The following ANXA5 variants were observed in gnomAD, a reference collection of about 807,000 sequenced individuals.
ANXA5 encodes annexin A5.
ANXA5 carries 40 observed loss-of-function variants against 48.1 expected under a neutral mutation model. The ratio of observed to expected loss-of-function variants is 0.83; its 90% CI spans 0.65 to 1.08. The LOEUF is 1.08. ANXA5 is among the 50% of genes least tolerant of loss of function. ANXA5 has a pLI of 0.00. For synonymous variants in ANXA5, 113 were observed against 129.1 expected (o/e 0.88, Z 0.85); for missense variants, 357 against 376.8 (o/e 0.95, Z 0.44).
At chr4:121,673,367 C>T (rs921167442) in intron 8 of ANXA5, among the ~76,000 whole-genome samples, 17 of 152,084 alleles carry the variant, frequency 1.1e-4, no homozygotes, top group Admixed American at 1.1e-3. Flanking sequence ...TTATTAAAAC[C>T]CAAAGAATCA....
At chr4:121,681,537 GTCAT>G (rs200277257) in intron 6 of ANXA5, 130 bp downstream of exon 6, 543 of 573,880 alleles carry the variant, frequency 9.5e-4, no homozygotes, top group South Asian at 1.1e-3. Context: ...TGAATTGCAG[GTCAT>G]TCATTCATTC....
chr4:121,695,661 C>CA (rs1725066475), intron 2 of ANXA5, among the ~76,000 whole-genome samples: 2 of 151,924 alleles, frequency 1.3e-5, no homozygotes, highest in South Asian at 4.2e-4. Flanking sequence ...GATTACAGTC[C>CA]TGAGGCCGAG....
chr4:121,679,323 C>T (rs183471294), intron 6 of ANXA5, among the ~76,000 whole-genome samples: 111 of 152,250 alleles, frequency 7.3e-4, no homozygotes, highest in African/African-American at 2.6e-3. Context: ...CACGTTTCTC[C>T]TGTCCCTGAT....
rs1724879872 is a variant in ANXA5, at chr4:121,685,928, G to T, written c.94+360C>A. Among the ~76,000 whole-genome samples, 2 of 152,050 alleles carry T rather than the reference G, an allele frequency of 1.3e-5. 1 individual carries two copies. Among genetic ancestry groups the T allele is most frequent in the African/African-American group, 4.8e-5 (2 of 41,392 alleles). On this transcript the variant is annotated intron_variant, in intron 3 of 12. Transcript: ENST00000296511. ...ATTAGGGATGGTTTATAGCAAGCTT[G>T]TCCAACCCATGGCCTGCAAGCCACA...
intron 10 of ANXA5, 104 bp downstream of exon 10, chr4:121,671,443 G>C (rs1013040683): frequency 3.9e-6 from 3 of 778,956 alleles, no homozygotes; most frequent in Non-Finnish European, 6.5e-6. Flanking sequence ...ATCATATCAA[G>C]CTCTTCCTTC....
intron 12 of ANXA5, among the ~76,000 whole-genome samples, chr4:121,668,797 G>A (rs1422721164): frequency 6.6e-6 from 1 of 151,774 alleles, no homozygotes; most frequent in East Asian, 1.9e-4. Context: ...CTATCACTTG[G>A]TATATATCAG....
intron 2 of ANXA5, among the ~76,000 whole-genome samples, 179 bp downstream of exon 2, chr4:121,696,402 G>C (rs368916612): frequency 6.6e-6 from 1 of 152,120 alleles, no homozygotes; most frequent in Non-Finnish European, 1.5e-5. Flanking sequence ...GGGAAGAACC[G>C]GGACACAGAA....
At position 121,672,526 on chromosome 4, in the gene ANXA5, C is replaced by A. The variant is rs952705883; in HGVS notation, c.625+7G>T. ...GTATCTGCCCCATACAGATTTTTTT[C>A]ACTCACCCTTTCTCAAATGAGACAC... On this transcript the variant is annotated splice_region_variant and intron_variant, in intron 9 of 12. Transcript: ENST00000296511. The A allele has an allele frequency of 6.2e-7, 1 of 1,609,640 alleles. No individual in the cohort carries two copies. Among genetic ancestry groups the A allele is most frequent in the Admixed American group, 1.7e-5 (1 of 59,776 alleles).
chr4:121,678,351 C>G, intron 7 of ANXA5, 64 bp downstream of exon 7: 1 of 1,330,316 alleles, frequency 7.5e-7, no homozygotes, highest in Non-Finnish European at 1.1e-6. Context: ...CCTTACTTAA[C>G]TAGATTCAGC....
chr4:121,689,415 A>G (rs1724945444), intron 2 of ANXA5, among the ~76,000 whole-genome samples: 1 of 152,228 alleles, frequency 6.6e-6, no homozygotes, highest in Non-Finnish European at 1.5e-5. Context: ...TGACAGGCAT[A>G]TAACTAATCA....
chr4:121,696,649 CT>C (rs752400767), intron 1 of ANXA5, 25 bp from the exon 2 acceptor site: 19 of 1,329,222 alleles, frequency 1.4e-5, no homozygotes, highest in Non-Finnish European at 1.8e-5. Flanking sequence ...AAACCTCGGG[CT>C]TAGCGCGCCA....
chr4:121,682,376 C>T (rs1020249020), intron 5 of ANXA5, among the ~76,000 whole-genome samples: 1 of 152,042 alleles, frequency 6.6e-6, no homozygotes, highest in African/African-American at 2.4e-5. Context: ...TTAAAAATCA[C>T]ATCTATATGA....
At chr4:121,684,807 T>C (rs767669099) in intron 3 of ANXA5, 36 bp from the exon 4 acceptor site, 3 of 1,535,212 alleles carry the variant, frequency 2.0e-6, no homozygotes, top group South Asian at 2.2e-5. Context: ...TTTTGGCTCC[T>C]ACATGCATAC....
chr4:121,677,897 A>C lies in ANXA5; in HGVS notation c.528T>G (p.Ala176=). ...GIDEAQVEQD[A]QALFQAGELK... ...ATCATATCCTGGTGTCACTCACCTG[A>C]GCATCTTGTTCAACTTGAGCTTCAT... The change falls in exon 8 of 13, where the codon GCT becomes GCG. Residue 176 remains alanine, a synonymous_variant. Transcript: ENST00000296511. 1 of 1,613,184 alleles carries C rather than the reference A, an allele frequency of 6.2e-7. No individual in the cohort carries two copies. The highest frequency in any genetic ancestry group is 8.5e-7 in the Non-Finnish European group (1 of 1,179,210).
rs1220684795 is a variant in ANXA5 at position 121,685,105 on chromosome 4, T to C, written c.95-334A>G. 5.3e-5 allele frequency among the ~76,000 whole-genome samples: 8 copies of C among 151,088 alleles called. No homozygotes were observed. In the South Asian group the frequency reaches 6.2e-4, roughly 12 times the overall value. Reference sequence around the variant, plus strand: ...ACACACACAGACGCAAATACACACATATATATAAATGTTTTATTAAACAGT... The same window carrying C: ...ACACACACAGACGCAAATACACACACATATATAAATGTTTTATTAAACAGT... On this transcript the variant is annotated intron_variant, in intron 3 of 12. Transcript: ENST00000296511.
chr4:121,696,782 G>A (rs1225292859), intron 1 of ANXA5, 81 bp downstream of exon 1: 3 of 410,166 alleles, frequency 7.3e-6, no homozygotes, highest in Admixed American at 4.5e-5. Flanking sequence ...GCTCTCGGCC[G>A]AGCGTCCGCG....
intron 6 of ANXA5, among the ~76,000 whole-genome samples, chr4:121,680,582 G>A (rs1724774420): frequency 6.6e-6 from 1 of 152,144 alleles, no homozygotes; most frequent in African/African-American, 2.4e-5. Flanking sequence ...ACTCATGACA[G>A]CCTGTTAACA....
intron 2 of ANXA5, among the ~76,000 whole-genome samples, chr4:121,692,805 AT>A (rs1188229680): frequency 6.6e-6 from 1 of 152,264 alleles, no homozygotes; most frequent in Non-Finnish European, 1.5e-5. Context: ...AGACTTGGCA[AT>A]GCATCTATTA....
chr4:121,686,646 C>T (rs1724896028), intron 2 of ANXA5, among the ~76,000 whole-genome samples: 1 of 152,162 alleles, frequency 6.6e-6, no homozygotes, highest in African/African-American at 2.4e-5. Context: ...ACCAACACCT[C>T]CTGGTTCACA....
Sources: allele counts gnomAD v4.1 joint callset (sites outside exome capture counted in the v4.1 genomes callset), GRCh38; gene constraint gnomAD v4.1.1; transcripts MANE v1.5; gene names NCBI Gene and HGNC (gene_info 2026-07-23, HGNC 2026-07-21).